The following ZNF839 variants were observed in gnomAD, a reference collection of about 807,000 sequenced individuals.
ZNF839 encodes the protein zinc finger protein 839, also known as renal carcinoma antigen NY-REN-50.
ZNF839 carries 38 observed loss-of-function variants against 56.4 expected under a neutral mutation model. That is an observed-to-expected ratio of 0.67 (90% CI 0.52 to 0.88). The LOEUF (loss-of-function observed/expected upper bound fraction) is 0.88, where lower values mean the gene tolerates loss of function less well. Among genes scored for constraint, ZNF839 ranks in the 40% least tolerant of loss-of-function variants. The probability of loss-of-function intolerance (pLI) is 0.00; values close to 1 mark genes in which losing one functional copy is unlikely to be tolerated. For synonymous variants in ZNF839, 486 were observed against 493.5 expected, an observed-to-expected ratio of 0.98 and a Z score of 0.20; for missense variants, 1,091 against 1,177.6, an observed-to-expected ratio of 0.93 and a Z score of 1.08.
chr14:102,335,635 T>C, intron 4 of ZNF839, 54 bp from the exon 5 acceptor site: 1 of 1,519,738 alleles, frequency 6.6e-7, no homozygotes, highest in East Asian at 2.3e-5. Flanking sequence ...TTCTGTATTT[T>C]CCATATCAGT....
At chr14:102,328,791 T>C (rs2073611857) in intron 2 of ZNF839, among the ~76,000 whole-genome samples, 1 of 152,040 alleles carries the variant, frequency 6.6e-6, no homozygotes, top group African/African-American at 2.4e-5. Context: ...AGGTTTATGT[T>C]GTAGTAAGTG....
At position 102,342,156 on chromosome 14, in the gene ZNF839, C is replaced by T. The variant is rs573029148; in HGVS notation, c.2761C>T (p.Arg921Cys). 1.3e-5 allele frequency: 21 copies of T among 1,609,498 alleles called. No homozygotes were observed. The African/African-American group carries it at 1.9e-4, about 14-fold the overall frequency. Residue 921 changes from arginine to cysteine, a missense_variant, in exon 8 of 8, where the codon CGT becomes TGT. Arg to Cys is a radical substitution (Grantham distance 180, BLOSUM62 -3). Coordinates refer to ENST00000442396, the MANE Select transcript of ZNF839 (RefSeq NM_018335.6). Reference protein sequence around the residue: ...DIVTVTDAEGRACGWAR With the variant: ...DIVTVTDAEGCACGWAR ...TGTCACAGTGACTGATGCAGAGGGG[C>T]GTGCCTGCGGATGGGCCCGCTAGAA...
At chr14:102,321,965 C>T (rs769660105) in intron 1 of ZNF839, among the ~76,000 whole-genome samples, 12 of 152,070 alleles carry the variant, frequency 7.9e-5, no homozygotes, top group African/African-American at 1.7e-4. Flanking sequence ...AGATCGAGGC[C>T]CCTGTCTCTC....
intron 7 of ZNF839, 144 bp downstream of exon 7, chr14:102,339,367 C>G: frequency 1.7e-6 from 2 of 1,153,750 alleles, no homozygotes; most frequent in East Asian, 2.6e-5. Context: ...AAGTTTCATT[C>G]CAGCCTCCCA....
intron 7 of ZNF839, 155 bp from the exon 8 acceptor site, chr14:102,341,168 T>C: frequency 1.3e-6 from 1 of 793,470 alleles, no homozygotes; most frequent in East Asian, 3.0e-5. Context: ...GACGTATTTT[T>C]TAAAATTGCT....
intron 1 of ZNF839, among the ~76,000 whole-genome samples, chr14:102,323,517 T>C (rs1354237572): frequency 1.3e-5 from 2 of 152,150 alleles, no homozygotes; most frequent in Admixed American, 6.5e-5. Flanking sequence ...TCAATAAATA[T>C]TTGTGGGGTG....
At chr14:102,328,826 CTGAG>C (rs1032605335) in intron 2 of ZNF839, among the ~76,000 whole-genome samples, 20 of 152,150 alleles carry the variant, frequency 1.3e-4, no homozygotes, top group Non-Finnish European at 2.4e-4. Context: ...CTCTGTAAGA[CTGAG>C]TAATATCTCA....
At chr14:102,334,700 A>AAAT in intron 4 of ZNF839, 54 bp downstream of exon 4, 1 of 953,952 alleles carries the variant, frequency 1.0e-6, no homozygotes, top group Non-Finnish European at 1.5e-6. Flanking sequence ...AGTTATTTAG[A>AAAT]AATAATATTA....
rs776487607 is a variant in ZNF839 at position 102,326,014 on chromosome 14, G to A, written c.318G>A (p.Thr106=). ...QQLEAICVKV[T]SGETKGQERP... ...TAGAAGCCATTTGTGTCAAGGTAAC[G>A]TCTGGAGAAACAAAAGGTCAGGAAA... The change falls in exon 2 of 8, where the codon ACG becomes ACA. Residue 106 remains threonine (T), a synonymous_variant. Transcript: ENST00000442396. This position sits in a 1 kb window ranked among gnomAD's most constrained non-coding sequence, Gnocchi z 4.3. 37 of 1,612,882 alleles carry A rather than the reference G, an allele frequency of 2.3e-5. No homozygotes were observed. The highest frequency in any genetic ancestry group is 5.5e-5 in the South Asian group (5 of 90,868).
At chr14:102,323,495 C>T (rs531229117) in intron 1 of ZNF839, among the ~76,000 whole-genome samples, 4 of 152,302 alleles carry the variant, frequency 2.6e-5, no homozygotes, top group South Asian at 4.1e-4. Context: ...GTTTCTGGCA[C>T]GCGGTCAGTG....
chr14:102,338,289 A>G (rs1476809576), intron 5 of ZNF839, among the ~76,000 whole-genome samples: 1 of 152,140 alleles, frequency 6.6e-6, no homozygotes, highest in Non-Finnish European at 1.5e-5. Context: ...TGTAATCCCA[A>G]CACTTTGGGA....
intron 2 of ZNF839, among the ~76,000 whole-genome samples, chr14:102,330,380 C>A (rs1348699780): frequency 6.6e-6 from 1 of 151,742 alleles, no homozygotes; most frequent in African/African-American, 2.4e-5. Flanking sequence ...TTACAGGCAT[C>A]TGCCACTATG....
At chr14:102,322,931 G>A (rs537007391) in intron 1 of ZNF839, among the ~76,000 whole-genome samples, 2 of 152,350 alleles carry the variant, frequency 1.3e-5, no homozygotes, top group East Asian at 3.9e-4. Flanking sequence ...AGTAGCCCAG[G>A]AGTCGGGGAC....
chr14:102,328,375 AATATATATATATATATATATATAT>A (rs71116898), intron 2 of ZNF839, among the ~76,000 whole-genome samples: 1 of 16,326 alleles, frequency 6.1e-5, no homozygotes, highest in South Asian at 2.8e-3. Context: ...AAAAAAAAAA[AATATATATATATATATATATATAT>A]ATATATATAT....
chr14:102,335,945 G>A lies in ZNF839; in HGVS notation c.1659+107G>A, dbSNP rs186379848. Reference sequence around the variant, plus strand: ...TGTAGTCCCAGTGCTTTGGGAGACTGAGGCAGGTGGATCACTTGAGGTCAG... The same window carrying A: ...TGTAGTCCCAGTGCTTTGGGAGACTAAGGCAGGTGGATCACTTGAGGTCAG... On this transcript the variant is annotated intron_variant, in intron 5 of 7. Transcript: ENST00000442396. The A allele has an allele frequency of 1.9e-4, 239 of 1,266,068 alleles. No individual in the cohort carries two copies. In the East Asian group the frequency reaches 4.8e-3, roughly 25 times the overall value. The allele number at this position is 1,266,068 out of a possible 1,614,324, so 78.4% of individuals were successfully genotyped here.
At chr14:102,322,896 C>T (rs906224046) in intron 1 of ZNF839, among the ~76,000 whole-genome samples, 14 of 152,218 alleles carry the variant, frequency 9.2e-5, no homozygotes, top group African/African-American at 3.1e-4. Flanking sequence ...TATGCGCAGT[C>T]AATCTCGTTG....
chr14:102,321,252 G>C, intron 1 of ZNF839, among the ~76,000 whole-genome samples: 1 of 152,330 alleles, frequency 6.6e-6, no homozygotes, highest in East Asian at 1.9e-4. Context: ...GGCGCTGTGC[G>C]GGGCCGCTCA....
chr14:102,334,567 G>GCCCCCGAGCCCAAGCTGC lies in ZNF839; in HGVS notation c.1430_1431insCCCCCGAGCCCAAGCTGC (p.Cys477_Asp478insProArgAlaGlnAlaAla). ...TTCCCTTGGTAGTTCCTCCAGCAGTGTGACCGGGAGGATCTGGTGGAATTG... is the reference window on the plus strand; with the variant it reads ...TTCCCTTGGTAGTTCCTCCAGCAGTGCCCCCGAGCCCAAGCTGCTGACCGGGAGGATCTGGTGGAATTG... On this transcript the variant is annotated inframe_insertion, in exon 4 of 8. Transcript: ENST00000442396. 6.2e-7 allele frequency: 1 copy of GCCCCCGAGCCCAAGCTGC among 1,610,982 alleles called. No individual in the cohort carries two copies. Among genetic ancestry groups the GCCCCCGAGCCCAAGCTGC allele is most frequent in the Non-Finnish European group, 8.5e-7 (1 of 1,178,536 alleles).
intron 5 of ZNF839, among the ~76,000 whole-genome samples, 193 bp downstream of exon 5, chr14:102,336,031 T>G (rs1441889948): frequency 6.6e-6 from 1 of 152,056 alleles, no homozygotes; most frequent in South Asian, 2.1e-4. Flanking sequence ...ATACAAAAAT[T>G]AGCTGGGCGT....
Sources: allele counts gnomAD v4.1 joint callset (sites outside exome capture counted in the v4.1 genomes callset), GRCh38; gene constraint gnomAD v4.1.1; non-coding constraint Gnocchi (gnomAD v3.1); transcripts MANE v1.5; gene names NCBI Gene and HGNC (gene_info 2026-07-23, HGNC 2026-07-21).